The following LRP6 variants were observed in gnomAD, a reference collection of about 807,000 sequenced individuals.
The protein encoded by LRP6 is low-density lipoprotein receptor-related protein 6.
In LRP6, 43 loss-of-function variants were observed where a neutral mutation model predicts 184.1. That is an observed-to-expected ratio of 0.23 (90% CI 0.18 to 0.30). The LOEUF is 0.30. Among genes scored for constraint, LRP6 ranks in the 10% least tolerant of loss-of-function variants. The pLI is 1.00. For synonymous variants in LRP6, 719 were observed against 684.9 expected (o/e 1.05, Z -0.78); for missense variants, 1,571 against 2,005.3 (o/e 0.78, Z 4.14).
intron 12 of LRP6, chr12:12,155,195 C>A: frequency 1.9e-6 from 1 of 536,626 alleles, no homozygotes; most frequent in Non-Finnish European, 3.5e-6. Flanking sequence ...GACTCTGTCT[C>A]AAACAAACAA....
chr12:12,169,039 A>G (rs1480304282), intron 7 of LRP6, among the ~76,000 whole-genome samples: 1 of 151,994 alleles, frequency 6.6e-6, no homozygotes, highest in East Asian at 1.9e-4. Flanking sequence ...GACTAGCCTG[A>G]CAAACATGGT....
intron 12 of LRP6, among the ~76,000 whole-genome samples, chr12:12,154,442 TTTAG>T (rs1218234046): frequency 6.6e-6 from 1 of 152,248 alleles, no homozygotes; most frequent in Non-Finnish European, 1.5e-5. Flanking sequence ...ACATAATTTA[TTTAG>T]TTTATTATCT....
intron 3 of LRP6, 67 bp downstream of exon 3, chr12:12,203,136 G>A: frequency 9.2e-7 from 1 of 1,082,406 alleles, no homozygotes; most frequent in South Asian, 1.6e-5. Flanking sequence ...AATAAAATTA[G>A]GCTTTGTAAT....
chr12:12,147,501 A>G lies in LRP6; in HGVS notation c.3262T>C (p.Leu1088=), dbSNP rs1454263798. The change falls in exon 15 of 23, where the codon TTG becomes CTG. Residue 1088 remains leucine (L), a synonymous_variant. Transcript: ENST00000261349. ...AGGACCTCCCGTTCTGTCCCATCCAAAGCAGCCCGTTCAATTTTAGGAGAC... is the reference window on the plus strand; with the variant it reads ...AGGACCTCCCGTTCTGTCCCATCCAGAGCAGCCCGTTCAATTTTAGGAGAC... ...ERSPKIERAA[L]DGTEREVLFF... 6.2e-7 allele frequency: 1 copy of G among 1,614,038 alleles called. No individual in the cohort carries two copies. Among genetic ancestry groups the G allele is most frequent in the East Asian group, 2.2e-5 (1 of 44,866 alleles).
At position 12,119,535 on chromosome 12, in the gene LRP6, G is replaced by C. The variant is rs1335897038; in HGVS notation, c.*1591C>G. On this transcript the variant is annotated 3_prime_UTR_variant, in exon 23 of 23. Transcript: ENST00000261349. ...CCACAGGTCAGCCCTGATAGCTCAA[G>C]ATGTAGCAGCCCCAGTACCATACAT... 1 of 152,144 alleles carries C rather than the reference G, an allele frequency of 6.6e-6. No individual in the cohort carries two copies. Among genetic ancestry groups the C allele is most frequent in the East Asian group, 1.9e-4 (1 of 5,186 alleles). The allele number at this position is 152,144 out of a possible 1,614,324, so 9.4% of individuals were successfully genotyped here. A position where few individuals can be genotyped will look rare whatever the true frequency, so the allele number is the denominator to read the frequency against.
intron 2 of LRP6, among the ~76,000 whole-genome samples, chr12:12,228,025 T>G (rs930756667): frequency 5.9e-5 from 9 of 152,158 alleles, no homozygotes; most frequent in South Asian, 2.1e-4. Context: ...AAATCCTCAT[T>G]TGGCACATTT....
Position 12,193,751 on chromosome 12 carries a change from A to C in LRP6, c.648-6632T>G, listed in dbSNP as rs573205887. ...TGAATTTGTAATTAATATCTTCCCA[A>C]AAAGAAATCCCCATGCCCAGATGGC... On this transcript the variant is annotated intron_variant, in intron 3 of 22. Coordinates refer to ENST00000261349, the MANE Select transcript of LRP6 (RefSeq NM_002336.3). 2.6e-5 allele frequency among the ~76,000 whole-genome samples: 4 copies of C among 152,224 alleles called. No homozygotes were observed. In the East Asian group the frequency reaches 7.7e-4, roughly 29 times the overall value.
At chr12:12,157,862 T>C (rs1862636929) in intron 12 of LRP6, among the ~76,000 whole-genome samples, 1 of 152,166 alleles carries the variant, frequency 6.6e-6, no homozygotes, top group Admixed American at 6.5e-5. Context: ...GGCCTTCATA[T>C]ATATTTAAGT....
chr12:12,174,000 T>C (rs1367730693), intron 7 of LRP6, among the ~76,000 whole-genome samples: 2 of 152,216 alleles, frequency 1.3e-5, no homozygotes, highest in Admixed American at 1.3e-4. Context: ...GGGAGAAATA[T>C]ATATCCATAC....
At chr12:12,235,435 TA>T (rs1864907376) in intron 2 of LRP6, among the ~76,000 whole-genome samples, 1 of 151,942 alleles carries the variant, frequency 6.6e-6, no homozygotes, top group African/African-American at 2.4e-5. Flanking sequence ...CTAAATACAA[TA>T]AAAGAAAATA....
chr12:12,146,393 T>C (rs901944394), intron 15 of LRP6, among the ~76,000 whole-genome samples: 3 of 152,212 alleles, frequency 2.0e-5, no homozygotes, highest in African/African-American at 7.2e-5. Context: ...ATTTTTGCCA[T>C]GCTGACAGAC....
Position 12,149,146 on chromosome 12 carries a change from G to C in LRP6, c.3002C>G (p.Thr1001Ser). 1 of 1,613,574 alleles carries C rather than the reference G, an allele frequency of 6.2e-7. No individual in the cohort carries two copies. The highest frequency in any genetic ancestry group is 8.5e-7 in the Non-Finnish European group (1 of 1,179,618). ...KAQEDGSQGF[T>S]VVVSSVPSQN... The stretch of plus-strand genomic sequence containing the variant: ...ACTCGGAACTGAGCTCACAACCACA[G>C]TAAAGCCCTAGGGAAAAAAAGAAAT... The change falls in exon 14 of 23, where the codon ACT (threonine) becomes AGT (serine). Residue 1001 changes from threonine (T) to serine (S), a missense_variant. Thr to Ser is a moderately conservative substitution (Grantham distance 58). This residue lies in a region of LRP6 where 763 missense variants were observed against 859.5 expected (regional missense o/e 0.89). Transcript: ENST00000261349.
chr12:12,180,434 A>G (rs1863316153), intron 6 of LRP6, among the ~76,000 whole-genome samples: 1 of 152,110 alleles, frequency 6.6e-6, no homozygotes, highest in Non-Finnish European at 1.5e-5. Flanking sequence ...CTGGATGTTT[A>G]GATGGCTCTA....
intron 2 of LRP6, among the ~76,000 whole-genome samples, chr12:12,231,844 A>G (rs1338527659): frequency 6.6e-6 from 1 of 151,904 alleles, no homozygotes; most frequent in Non-Finnish European, 1.5e-5. Flanking sequence ...GTGAAACCCC[A>G]TCTCTACAAA....
At chr12:12,146,953 C>T (rs891903694) in intron 15 of LRP6, among the ~76,000 whole-genome samples, 2 of 152,108 alleles carry the variant, frequency 1.3e-5, no homozygotes, top group African/African-American at 4.8e-5. Flanking sequence ...GAGATCGAGA[C>T]CATCCTGGCT....
intron 4 of LRP6, 115 bp from the exon 5 acceptor site, chr12:12,184,226 T>C: frequency 1.2e-6 from 1 of 822,692 alleles, no homozygotes; most frequent in Non-Finnish European, 2.1e-6. Flanking sequence ...GTCATGCAGG[T>C]GCTTGACTAT....
At chr12:12,261,504 A>C (rs1447933790) in intron 1 of LRP6, among the ~76,000 whole-genome samples, 1 of 152,218 alleles carries the variant, frequency 6.6e-6, no homozygotes, top group Non-Finnish European at 1.5e-5. Flanking sequence ...ATTATTGTTT[A>C]GCCAAATGAG....
intron 9 of LRP6, 53 bp from the exon 10 acceptor site, chr12:12,162,472 C>T: frequency 1.4e-6 from 2 of 1,480,818 alleles, no homozygotes; most frequent in Non-Finnish European, 1.9e-6. Flanking sequence ...AAACCCTATC[C>T]AGAAAGAAGG....
At chr12:12,131,438 A>G (rs1283101358) in intron 18 of LRP6, among the ~76,000 whole-genome samples, 1 of 152,168 alleles carries the variant, frequency 6.6e-6, no homozygotes, top group Non-Finnish European at 1.5e-5. Context: ...CTCTTTCACT[A>G]AAGAATTCTA....
Sources: allele counts gnomAD v4.1 joint callset (sites outside exome capture counted in the v4.1 genomes callset), GRCh38; gene constraint gnomAD v4.1.1; regional missense constraint gnomAD v4.1.1; transcripts MANE v1.5; gene names NCBI Gene and HGNC (gene_info 2026-07-23, HGNC 2026-07-21).